The following TRIM65 variants were observed in gnomAD, a reference collection of about 807,000 sequenced individuals.
The protein encoded by TRIM65 is tripartite motif containing 65, also known as E3 ubiquitin-protein ligase TRIM65.
In TRIM65, 46 loss-of-function variants were observed where a neutral mutation model predicts 36.1. The observed-to-expected ratio is 1.27, with a 90% CI of 1.01 to 1.63. The LOEUF (loss-of-function observed/expected upper bound fraction) is 1.63, where lower values mean the gene tolerates loss of function less well. TRIM65 is among the 40% of genes most tolerant of loss of function. The pLI, the probability that TRIM65 is intolerant of heterozygous loss-of-function variation, is 0.00. For missense variants in TRIM65, 708 were observed against 696.6 expected, an observed-to-expected ratio of 1.02 and a Z score of -0.18; for synonymous variants, 346 against 313.6, an observed-to-expected ratio of 1.10 and a Z score of -1.09.
At chr17:75,892,878 A>G (rs767809242) in intron 1 of TRIM65, 28 bp from the exon 2 acceptor site, 34 of 1,589,600 alleles carry the variant, frequency 2.1e-5, no homozygotes, top group Non-Finnish European at 1.5e-5. Context: ...GGGACAAGCA[A>G]CAAGAGAAGG....
At position 75,896,541 on chromosome 17, in the gene TRIM65, C is replaced by T. The variant is rs1390252525; in HGVS notation, c.397G>A (p.Glu133Lys). The T allele has an allele frequency of 3.0e-6, 4 of 1,350,024 alleles. No homozygotes were observed. The highest frequency in any genetic ancestry group is 1.7e-5 in the South Asian group (1 of 57,570). 83.6% of individuals were successfully genotyped at this position (1,350,024 alleles called of 1,614,324 possible). Residue 133 changes from glutamate to lysine, a missense_variant, in exon 1 of 6, where the codon GAG becomes AAG. Physicochemically the swap from Glu to Lys is moderately conservative, Grantham distance 56. Transcript: ENST00000269383. ...RLHERALLDA[E>K]RLKREAQLRA... Reference sequence around the variant, plus strand: ...TGCGTCACCTCGCGCTTGAGGCGCTCGGCATCCAGCAGCGCCCGCTCGTGG... The same window carrying T: ...TGCGTCACCTCGCGCTTGAGGCGCTTGGCATCCAGCAGCGCCCGCTCGTGG...
chr17:75,886,925 G>T (rs1245147079), downstream of TRIM65, among the ~76,000 whole-genome samples: 4 of 152,038 alleles, frequency 2.6e-5, no homozygotes, highest in Non-Finnish European at 5.9e-5. Context: ...CGGCTGGCTG[G>T]GCATGGATCA....
Position 75,883,651 on chromosome 17 carries a change from C to T in TRIM65, c.350-3022G>A, listed in dbSNP as rs143616488. ...CATCCCATTCTCCTGCCTCAGCCTC[C>T]CGAGTAGCTGGGACTACAGGTGCCT... On this transcript the variant is annotated intron_variant, in intron 4 of 4. Transcript: ENST00000591668. 6.1e-3 allele frequency among the ~76,000 whole-genome samples: 929 copies of T among 151,420 alleles called. 14 individuals are homozygous for T. The highest frequency in any genetic ancestry group is 0.021 in the African/African-American group (877 of 41,256).
chr17:75,890,862 G>A lies in TRIM65; in HGVS notation c.1471C>T (p.Leu491Phe), dbSNP rs1316580632. 3.3e-6 allele frequency: 5 copies of A among 1,528,044 alleles called. No individual in the cohort carries two copies. Among genetic ancestry groups the A allele is most frequent in the African/African-American group, 1.4e-5 (1 of 71,322 alleles). The allele number at this position is 1,528,044 out of a possible 1,614,324, so 94.7% of individuals were successfully genotyped here. A position where few individuals can be genotyped will look rare whatever the true frequency, so the allele number is the denominator to read the frequency against. ...AGGGTCAGGGTCCTACCCTCGAGGAGCCAGAAGACGGGGGTGAGGGGCTGG... is the reference window on the plus strand; with the variant it reads ...AGGGTCAGGGTCCTACCCTCGAGGAACCAGAAGACGGGGGTGAGGGGCTGG... ...FNQPLTPVFWLLEGRTLTLCH... is the reference protein window; with the variant it reads ...FNQPLTPVFWFLEGRTLTLCH... Residue 491 changes from leucine to phenylalanine, a missense_variant, in exon 6 of 6, where the codon CTC (leucine) becomes TTC (phenylalanine). Transcript: ENST00000269383.
chr17:75,883,202 C>T (rs1220018077), intron 4 of TRIM65, among the ~76,000 whole-genome samples: 1 of 148,836 alleles, frequency 6.7e-6, no homozygotes, highest in Non-Finnish European at 1.5e-5. Flanking sequence ...CTGCAACTGC[C>T]GCCTCCTGGG....
At chr17:75,888,127 G>T (rs1255945436), downstream of TRIM65, among the ~76,000 whole-genome samples, 1 of 151,698 alleles carries the variant, frequency 6.6e-6, no homozygotes, top group East Asian at 1.9e-4. Context: ...CTGCACTCCA[G>T]CCTGGGCAAC....
At position 75,896,914 on chromosome 17, in the gene TRIM65, C is replaced by G; in HGVS notation, c.24G>C (p.Glu8Asp). 6.6e-7 allele frequency: 1 copy of G among 1,508,798 alleles called. No individual in the cohort carries two copies. Among genetic ancestry groups the G allele is most frequent in the South Asian group, 1.2e-5 (1 of 81,106 alleles). 93.5% of individuals were successfully genotyped at this position (1,508,798 alleles called of 1,614,324 possible). Reference sequence around the variant, plus strand: ...CCAGGCAGATGGCGCAGGTCAGCTTCTCCTCCAGCAGCTGCGCGGCCATGG... The same window carrying G: ...CCAGGCAGATGGCGCAGGTCAGCTTGTCCTCCAGCAGCTGCGCGGCCATGG... MAAQLLE[E>D]KLTCAICLGL... Residue 8 changes from glutamate to aspartate, a missense_variant, in exon 1 of 6, where the codon GAG becomes GAC. Physicochemically the swap from Glu to Asp is conservative, Grantham distance 45. Coordinates refer to ENST00000269383, the MANE Select transcript of TRIM65 (RefSeq NM_173547.4).
chr17:75,896,879 TG>T lies in TRIM65; in HGVS notation c.58del (p.Gln20ArgfsTer4). On this transcript the variant is annotated frameshift_variant, in exon 1 of 6. Coordinates refer to ENST00000269383, the MANE Select transcript of TRIM65 (RefSeq NM_173547.4). LOFTEE classifies it high-confidence loss of function. ...LTCAICLGLY[Q>X]DPVTLPCGHN... Reference sequence around the variant, plus strand: ...GCCGCAGGGCAGCGTCACTGGGTCCTGGTAGAGCCCCAGGCAGATGGCGCAG... The same window carrying T: ...GCCGCAGGGCAGCGTCACTGGGTCCTGTAGAGCCCCAGGCAGATGGCGCAG... 6.5e-7 allele frequency: 1 copy of T among 1,529,366 alleles called. No individual in the cohort carries two copies. 94.7% of individuals were successfully genotyped at this position (1,529,366 alleles called of 1,614,324 possible). A position where few individuals can be genotyped will look rare whatever the true frequency, so the allele number is the denominator to read the frequency against.
chr17:75,891,339 T>C lies in TRIM65; in HGVS notation c.994A>G (p.Asn332Asp), dbSNP rs2065264000. The C allele has an allele frequency of 6.2e-7, 1 of 1,613,268 alleles. No individual in the cohort carries two copies. The highest frequency in any genetic ancestry group is 8.5e-7 in the Non-Finnish European group (1 of 1,179,972). The change falls in exon 6 of 6, where the codon AAT (asparagine) becomes GAT (aspartate). Residue 332 changes from asparagine to aspartate, a missense_variant. Transcript: ENST00000269383. ...LRRKLWQNYRNLTFDPVSANR... is the reference protein window; with the variant it reads ...LRRKLWQNYRDLTFDPVSANR... ...GCGCTGACTGGATCAAAGGTCAGAT[T>C]GCGATAATCTGTTGGGGAAAGGAGG... is the stretch of plus-strand genomic sequence containing the variant.
In TRIM65 at chr17:75,892,765, C is replaced by G. The variant is rs1164118237; in HGVS notation, c.500G>C (p.Ser167Thr). The G allele has an allele frequency of 6.2e-7, 1 of 1,603,934 alleles. No homozygotes were observed. The highest frequency in any genetic ancestry group is 1.7e-5 in the Admixed American group (1 of 59,996). Reference protein sequence around the residue: ...GQLLELRKQSSQIQNSACILA... With the variant: ...GQLLELRKQSTQIQNSACILA... ...GCACAGGCCTCGTACCTGGATCTGGCTGCTTTGCTTGCGCAGCTCTAGTAG... is the reference window on the plus strand; with the variant it reads ...GCACAGGCCTCGTACCTGGATCTGGGTGCTTTGCTTGCGCAGCTCTAGTAG... Residue 167 changes from serine to threonine, a missense_variant, in exon 2 of 6, where the codon AGC becomes ACC. Transcript: ENST00000269383.
In TRIM65 at chr17:75,890,866, G is replaced by A; in HGVS notation, c.1467C>T (p.Phe489=). 5 of 1,527,778 alleles carry A rather than the reference G, an allele frequency of 3.3e-6. No homozygotes were observed. The highest frequency in any genetic ancestry group is 4.4e-6 in the Non-Finnish European group (5 of 1,141,056). The allele number at this position is 1,527,778 out of a possible 1,614,324, so 94.6% of individuals were successfully genotyped here. ...ALFNQPLTPV[F]WLLEGRTLTL... is the part of the protein sequence containing the mutation. The stretch of plus-strand genomic sequence containing the variant: ...TCAGGGTCCTACCCTCGAGGAGCCA[G>A]AAGACGGGGGTGAGGGGCTGGTTGA... The change falls in exon 6 of 6, where the codon TTC becomes TTT. Residue 489 remains phenylalanine, a synonymous_variant. Transcript: ENST00000269383.
downstream of TRIM65, among the ~76,000 whole-genome samples, chr17:75,884,824 C>T (rs1305589221): frequency 1.3e-5 from 2 of 151,964 alleles, no homozygotes; most frequent in South Asian, 2.1e-4. Flanking sequence ...TCACCATATA[C>T]GTGGTTTTCA....
Position 75,896,877 on chromosome 17 carries a change from C to A in TRIM65, c.61G>T (p.Asp21Tyr). 1 of 1,529,186 alleles carries A rather than the reference C, an allele frequency of 6.5e-7. No individual in the cohort carries two copies. The highest frequency in any genetic ancestry group is 8.8e-7 in the Non-Finnish European group (1 of 1,142,022). The allele number at this position is 1,529,186 out of a possible 1,614,324, so 94.7% of individuals were successfully genotyped here. ...TCAICLGLYQ[D>Y]PVTLPCGHNF... ...TGGCCGCAGGGCAGCGTCACTGGGT[C>A]CTGGTAGAGCCCCAGGCAGATGGCG... is the stretch of plus-strand genomic sequence containing the variant. Residue 21 changes from aspartate to tyrosine, a missense_variant, in exon 1 of 6, where the codon GAC becomes TAC. Transcript: ENST00000269383.
chr17:75,892,785 T>C lies in TRIM65; in HGVS notation c.480A>G (p.Leu160=). Residue 160 remains leucine (L), a synonymous_variant, in exon 2 of 6, where the codon CTA becomes CTG. Transcript: ENST00000269383. ...QQATQAEGQL[L]ELRKQSSQIQ... ...TCTGGCTGCTTTGCTTGCGCAGCTC[T>C]AGTAGCTGGCCTTCGGCCTGGGTGG... 1 of 1,604,664 alleles carries C rather than the reference T, an allele frequency of 6.2e-7. No homozygotes were observed. Among genetic ancestry groups the C allele is most frequent in the Non-Finnish European group, 8.5e-7 (1 of 1,179,900 alleles).
chr17:75,888,748 C>A (rs1213172881), downstream of TRIM65, among the ~76,000 whole-genome samples: 8 of 152,172 alleles, frequency 5.3e-5, no homozygotes, highest in Non-Finnish European at 1.2e-4. Context: ...TGGGGAGCTC[C>A]CACCTGAGGA....
Position 75,896,863 on chromosome 17 carries a change from C to T in TRIM65, c.75G>A (p.Leu25=). 6.5e-7 allele frequency: 1 copy of T among 1,532,130 alleles called. No homozygotes were observed. Among genetic ancestry groups the T allele is most frequent in the African/African-American group, 1.4e-5 (1 of 71,204 alleles). The allele number at this position is 1,532,130 out of a possible 1,614,324, so 94.9% of individuals were successfully genotyped here. ...CLGLYQDPVT[L]PCGHNFCGAC... ...CCCCGCAGAAGTTGTGGCCGCAGGG[C>T]AGCGTCACTGGGTCCTGGTAGAGCC... The change falls in exon 1 of 6, where the codon CTG becomes CTA. Residue 25 remains leucine (L), a synonymous_variant. Transcript: ENST00000269383.
At position 75,892,408 on chromosome 17, in the gene TRIM65, G is replaced by C. The variant is rs1218024003; in HGVS notation, c.603C>G (p.Ser201Arg). The change falls in exon 3 of 6, where the codon AGC becomes AGG. Residue 201 changes from serine (S) to arginine (R), a missense_variant. Physicochemically the swap from Ser to Arg is moderately radical, Grantham distance 110 (BLOSUM62 -1). Transcript: ENST00000269383. ...LEIQHTTALR[S>R]IEVAKTQALA... ...GCGCCTGCGTCTTGGCCACCTCGATGCTCCTCAGTGCTGTCGTGTGCTGTA... is the reference window on the plus strand; with the variant it reads ...GCGCCTGCGTCTTGGCCACCTCGATCCTCCTCAGTGCTGTCGTGTGCTGTA... 6.2e-7 allele frequency: 1 copy of C among 1,614,088 alleles called. No individual in the cohort carries two copies. The highest frequency in any genetic ancestry group is 2.2e-5 in the East Asian group (1 of 44,876).
At position 75,891,037 on chromosome 17, in the gene TRIM65, G is replaced by A; in HGVS notation, c.1296C>T (p.Leu432=). The part of the protein sequence containing the change: ...SWGLCVQEDS[L]QAWHNGEAQR... ...GGGCTTCCCCGTTGTGCCAGGCCTGGAGGCTGTCCTCCTGGACGCAGAGCC... is the reference window on the plus strand; with the variant it reads ...GGGCTTCCCCGTTGTGCCAGGCCTGAAGGCTGTCCTCCTGGACGCAGAGCC... Residue 432 remains leucine, a synonymous_variant, in exon 6 of 6, where the codon CTC becomes CTT. Transcript: ENST00000269383. 3 of 1,612,026 alleles carry A rather than the reference G, an allele frequency of 1.9e-6. No individual in the cohort carries two copies. The highest frequency in any genetic ancestry group is 2.2e-5 in the East Asian group (1 of 44,790).
In TRIM65 at chr17:75,892,870, G is replaced by C. The variant is rs774796614; in HGVS notation, c.415-20C>G. On this transcript the variant is annotated intron_variant, in intron 1 of 5. Coordinates refer to ENST00000269383, the MANE Select transcript of TRIM65 (RefSeq NM_173547.4). ...CTGGGCCTGTGGTGCGGGCCCACGG[G>C]ACAAGCAACAAGAGAAGGCCAGGAT... 115 of 1,596,996 alleles carry C rather than the reference G, an allele frequency of 7.2e-5. No individual in the cohort carries two copies. Among genetic ancestry groups the C allele is most frequent in the Non-Finnish European group, 1.4e-5 (16 of 1,177,272 alleles).
Sources: gnomAD v4.1 joint callset for allele counts (sites outside exome capture counted in the v4.1 genomes callset) on GRCh38, gnomAD v4.1.1 for gene constraint, MANE v1.5 for transcripts, NCBI Gene and HGNC (gene_info 2026-07-23, HGNC 2026-07-21) for gene names.